Variants in TRHDE observed in about 807,000 individuals in gnomAD.
The protein encoded by TRHDE is thyrotropin releasing hormone degrading enzyme, also known as thyrotropin-releasing hormone-degrading ectoenzyme.
A neutral mutation model predicts 125.7 loss-of-function variants in TRHDE; 72 were observed. The ratio of observed to expected loss-of-function variants is 0.57; its 90% CI spans 0.47 to 0.70. The LOEUF is 0.70. TRHDE is among the 30% of genes least tolerant of loss of function. The pLI, the probability that TRHDE is intolerant of heterozygous loss-of-function variation, is 0.00. For missense variants in TRHDE, 1,110 were observed against 1,327.1 expected (o/e 0.84, Z 2.54); for synonymous variants, 509 against 509.1 (o/e 1.00, Z 0.00).
chr12:72,537,238 C>G (rs1868910001), intron 6 of TRHDE, among the ~76,000 whole-genome samples: 2 of 151,982 alleles, frequency 1.3e-5, no homozygotes, highest in Non-Finnish European at 2.9e-5. Flanking sequence ...TTGATGACTT[C>G]AGCTAGGACT....
rs551208087 is a variant in TRHDE at position 72,537,765 on chromosome 12, T to C, written c.1723-4526T>C. ...TATATTATTGGAAAGTGATGGTCCA[T>C]CACTTGTTCAATATTTTTTGAGAGC... On this transcript the variant is annotated intron_variant, in intron 6 of 18. Transcript: ENST00000261180. Among the ~76,000 whole-genome samples, 230 of 152,170 alleles carry C rather than the reference T, an allele frequency of 1.5e-3. 2 individuals carry two copies. Among genetic ancestry groups the C allele is most frequent in the Admixed American group, 4.8e-3 (73 of 15,248 alleles).
intron 7 of TRHDE, among the ~76,000 whole-genome samples, chr12:72,546,410 T>C (rs775472054): frequency 1.3e-4 from 19 of 151,662 alleles, no homozygotes; most frequent in Non-Finnish European, 2.5e-4. Flanking sequence ...TAATTCTCTA[T>C]TCTGTTATAA....
chr12:72,299,562 G>C (rs900971922), intron 2 of TRHDE, among the ~76,000 whole-genome samples: 1 of 152,136 alleles, frequency 6.6e-6, no homozygotes, highest in African/African-American at 2.4e-5. Flanking sequence ...GAGCAACCGT[G>C]TTCAACAATG....
At chr12:72,566,635 G>T (rs1288248566) in intron 9 of TRHDE, among the ~76,000 whole-genome samples, 1 of 145,944 alleles carries the variant, frequency 6.9e-6, no homozygotes, top group African/African-American at 2.5e-5. Context: ...TATATTAGGG[G>T]CAATGATTCA....
chr12:72,122,767 G>A (rs2139302486), intron 2 of TRHDE, among the ~76,000 whole-genome samples: 1 of 152,218 alleles, frequency 6.6e-6, no homozygotes, highest in South Asian at 2.1e-4. Context: ...GGTCTTCTAT[G>A]TGAGTAGAAG....
intron 2 of TRHDE, among the ~76,000 whole-genome samples, chr12:72,306,225 G>A (rs1472075172): frequency 6.6e-6 from 1 of 152,046 alleles, no homozygotes. Context: ...TCTTACAAAC[G>A]TTTTCTATAT....
At chr12:72,508,001 G>T (rs904127535) in intron 6 of TRHDE, among the ~76,000 whole-genome samples, 1 of 152,222 alleles carries the variant, frequency 6.6e-6, no homozygotes, top group Non-Finnish European at 1.5e-5. Context: ...GCTTCCATGT[G>T]GTGTTAAGCC....
chr12:72,468,693 GCATTAAGTAGT>G (rs1237841178), intron 3 of TRHDE, among the ~76,000 whole-genome samples: 3 of 152,170 alleles, frequency 2.0e-5, no homozygotes, highest in Non-Finnish European at 4.4e-5. Context: ...TCAATCCCTG[GCATTAAGTAGT>G]CAGCGTGGCT....
chr12:72,115,843 T>G (rs1875430835), intron 2 of TRHDE, among the ~76,000 whole-genome samples: 2 of 152,172 alleles, frequency 1.3e-5, no homozygotes, highest in South Asian at 4.1e-4. Context: ...TTTATATGTC[T>G]TTTTTAAAAA....
Position 72,591,632 on chromosome 12 carries a change from G to GTTTTTTTTTTTTTTTTTTTTT in TRHDE, c.2321+16105_2321+16106insTTTTTTTTTTTTTTTTTTTTT, listed in dbSNP as rs71071842. On this transcript the variant is annotated intron_variant, in intron 12 of 18. Coordinates refer to ENST00000261180, the MANE Select transcript of TRHDE (RefSeq NM_013381.3). ...TATTCATCAATTTCTAAGGATATGGGTTTTTTTTTTTTTTTGCTATTATTT... is the reference window on the plus strand; with the variant it reads ...TATTCATCAATTTCTAAGGATATGGGTTTTTTTTTTTTTTTTTTTTTTTTTTTTTTTTTTTTGCTATTATTT... 1.5e-4 allele frequency among the ~76,000 whole-genome samples: 19 copies of GTTTTTTTTTTTTTTTTTTTTT among 125,438 alleles called. 1 individual carries two copies. The highest frequency in any genetic ancestry group is 4.3e-3 in the Middle Eastern group (1 of 230). 82.3% of individuals were successfully genotyped at this position (125,438 alleles called of 152,430 possible). A position where few individuals can be genotyped will look rare whatever the true frequency, so the allele number is the denominator to read the frequency against.
At chr12:72,150,170 G>T (rs1592459383) in intron 2 of TRHDE, among the ~76,000 whole-genome samples, 1 of 152,286 alleles carries the variant, frequency 6.6e-6, no homozygotes, top group East Asian at 1.9e-4. Flanking sequence ...ATTACAAAGA[G>T]TATTGTGTGG....
chr12:72,325,519 A>G (rs540388253), intron 2 of TRHDE, among the ~76,000 whole-genome samples: 1 of 152,332 alleles, frequency 6.6e-6, no homozygotes, highest in South Asian at 2.1e-4. Flanking sequence ...CCATGCAAAT[A>G]TAGCAAACAA....
intron 2 of TRHDE, among the ~76,000 whole-genome samples, chr12:72,308,175 C>T (rs1313458172): frequency 1.3e-5 from 2 of 151,880 alleles, no homozygotes; most frequent in African/African-American, 4.8e-5. Flanking sequence ...CTAGCTCCTG[C>T]ATTTCTCGGT....
intron 12 of TRHDE, among the ~76,000 whole-genome samples, chr12:72,603,712 G>A (rs1282708610): frequency 2.0e-5 from 3 of 151,926 alleles, no homozygotes; most frequent in Non-Finnish European, 4.4e-5. Flanking sequence ...GCGACAGAGT[G>A]AGACTCCGTC....
intron 2 of TRHDE, among the ~76,000 whole-genome samples, chr12:72,349,920 A>G (rs1870504468): frequency 6.6e-6 from 1 of 152,004 alleles, no homozygotes; most frequent in Non-Finnish European, 1.5e-5. Context: ...ACAAACCAGA[A>G]TATGCTTGTC....
chr12:72,091,766 C>A (rs1240595339), intron 1 of TRHDE, among the ~76,000 whole-genome samples: 1 of 152,070 alleles, frequency 6.6e-6, no homozygotes, highest in African/African-American at 2.4e-5. Flanking sequence ...CAGTCACGAC[C>A]CAGGCACAAG....
chr12:72,404,027 G>A (rs186242681), intron 3 of TRHDE, among the ~76,000 whole-genome samples: 301 of 152,288 alleles, frequency 2.0e-3, no homozygotes, highest in Admixed American at 6.1e-3. Flanking sequence ...GCCTCTGTGT[G>A]TGTGTGTCTG....
At chr12:72,271,954 T>A (rs1484023000), upstream of TRHDE, 18 of 456,580 alleles carry the variant, frequency 3.9e-5, no homozygotes, top group Admixed American at 4.2e-4. Flanking sequence ...CCGCTTAAAG[T>A]GCCCAGGGTG....
intron 5 of TRHDE, among the ~76,000 whole-genome samples, chr12:72,483,824 C>G (rs1254331547): frequency 6.6e-6 from 1 of 151,856 alleles, no homozygotes; most frequent in Non-Finnish European, 1.5e-5. Flanking sequence ...TTTTATCAGA[C>G]TAGGTTATTT....
Sources: gnomAD v4.1 joint callset for allele counts (sites outside exome capture counted in the v4.1 genomes callset) on GRCh38, gnomAD v4.1.1 for gene constraint, MANE v1.5 for transcripts, NCBI Gene and HGNC (gene_info 2026-07-23, HGNC 2026-07-21) for gene names.